RERE: variants seen among roughly 807,000 people sequenced by gnomAD.
The protein encoded by RERE is arginine-glutamic acid dipeptide repeats protein.
In RERE, 40 loss-of-function variants were observed where a neutral mutation model predicts 146.1. The ratio of observed to expected loss-of-function variants is 0.27; its 90% CI spans 0.21 to 0.36. RERE has a LOEUF of 0.36. Ranked by LOEUF, RERE falls within the 10% of genes least tolerant of loss-of-function variation. The pLI is 1.00. For synonymous variants in RERE, 1,003 were observed against 866.0 expected (o/e 1.16, Z -2.78); for missense variants, 1,933 against 2,138.7 (o/e 0.90, Z 1.90).
At chr1:8,765,490 G>T (rs1640829378) in intron 1 of RERE, among the ~76,000 whole-genome samples, 1 of 152,176 alleles carries the variant, frequency 6.6e-6, no homozygotes. Context: ...TAAATTATAT[G>T]ATATGTGAAT....
intron 2 of RERE, among the ~76,000 whole-genome samples, chr1:8,627,239 T>C (rs1231042059): frequency 6.6e-6 from 1 of 152,166 alleles, no homozygotes; most frequent in Non-Finnish European, 1.5e-5. Context: ...GTCTGCACTG[T>C]CCACTAACAA....
At position 8,355,108 on chromosome 1, in the gene RERE, T is replaced by C. The variant is rs1209465093; in HGVS notation, c.4680A>G (p.Lys1560=). 2.5e-6 allele frequency: 4 copies of C among 1,614,000 alleles called. No individual in the cohort carries two copies. The highest frequency in any genetic ancestry group is 4.5e-5 in the East Asian group (2 of 44,894). The change falls in exon 23 of 23, where the codon AAA becomes AAG. Residue 1560 remains lysine, a synonymous_variant. Coordinates refer to ENST00000400908, the MANE Select transcript of RERE (RefSeq NM_001042681.2). ...SQEDYYSRLK[K]EGDKQL ...TAACTTATAACTGCTTGTCACCTTCTTTCTTCAGTCGACTGGAAAGACAAA... is the reference window on the plus strand; with the variant it reads ...TAACTTATAACTGCTTGTCACCTTCCTTCTTCAGTCGACTGGAAAGACAAA...
rs1639960710 is a variant in RERE at position 8,726,147 on chromosome 1, C to CTTTTCTTTTTTTTTTTTTTTTTTTTTTT, written c.-144-69707_-144-69706insAAAAAAAAAAAAAAAAAAAAAAAGAAAA. 2.3e-4 allele frequency among the ~76,000 whole-genome samples: 16 copies of CTTTTCTTTTTTTTTTTTTTTTTTTTTTT among 69,406 alleles called. 1 individual carries two copies. Among genetic ancestry groups the CTTTTCTTTTTTTTTTTTTTTTTTTTTTT allele is most frequent in the African/African-American group, 1.0e-3 (16 of 15,324 alleles). 45.5% of individuals were successfully genotyped at this position (69,406 alleles called of 152,430 possible). A position where few individuals can be genotyped will look rare whatever the true frequency, so the allele number is the denominator to read the frequency against. On this transcript the variant is annotated intron_variant, in intron 1 of 22. Coordinates refer to ENST00000400908, the MANE Select transcript of RERE (RefSeq NM_001042681.2). Reference sequence around the variant, plus strand: ...AATTCCAGTTTTCCTTTTTTCTTTTCTTTTTTTTTTTTTTTTTTTTTTTTT... The same window carrying CTTTTCTTTTTTTTTTTTTTTTTTTTTTT: ...AATTCCAGTTTTCCTTTTTTCTTTTCTTTTCTTTTTTTTTTTTTTTTTTTTTTTTTTTTTTTTTTTTTTTTTTTTTTTT...
intron 16 of RERE, among the ~76,000 whole-genome samples, chr1:8,362,308 C>T (rs943433041): frequency 6.6e-6 from 1 of 152,118 alleles, no homozygotes; most frequent in Non-Finnish European, 1.5e-5. Context: ...AACCATGTGT[C>T]GATGTATATG....
chr1:8,646,085 TACCTAACAACAAA>T (rs1647294401), intron 2 of RERE, among the ~76,000 whole-genome samples: 1 of 5,346 alleles, frequency 1.9e-4, no homozygotes, highest in Non-Finnish European at 3.6e-4. Context: ...AACCTGAGTC[TACCTAACAACAAA>T]GCTCTCAAAT....
intron 1 of RERE, among the ~76,000 whole-genome samples, chr1:8,693,664 T>A (rs1235884055): frequency 6.6e-6 from 1 of 152,126 alleles, no homozygotes; most frequent in Non-Finnish European, 1.5e-5. Context: ...GATATTGTAA[T>A]GGTAGATGCA....
chr1:8,563,343 CAG>C (rs147990773), intron 4 of RERE, among the ~76,000 whole-genome samples: 93 of 149,006 alleles, frequency 6.2e-4, no homozygotes, highest in Non-Finnish European at 6.3e-4. Context: ...AGGACTAGGG[CAG>C]AGAGAGAGAG....
rs1557679341 is a variant in RERE, at chr1:8,541,328, A to AGG, written c.726-11_726-10insCC. 1 of 1,563,106 alleles carries AGG rather than the reference A, an allele frequency of 6.4e-7. No individual in the cohort carries two copies. The highest frequency in any genetic ancestry group is 2.2e-5 in the East Asian group (1 of 44,548). On this transcript the variant is annotated splice_polypyrimidine_tract_variant and intron_variant, in intron 6 of 22. Coordinates refer to ENST00000400908, the MANE Select transcript of RERE (RefSeq NM_001042681.2). ...GATGTTACACTTCCCTCTGGGAAAA[A>AGG]GAGAAAAAAATAATTAGTAATACCC...
intron 11 of RERE, among the ~76,000 whole-genome samples, chr1:8,426,930 G>A (rs1412257459): frequency 1.3e-5 from 2 of 152,186 alleles, no homozygotes; most frequent in African/African-American, 4.8e-5. Context: ...TACCCAAAAA[G>A]TCCATAAACT....
intron 7 of RERE, chr1:8,519,861 A>G (rs1244779311): frequency 6.6e-6 from 1 of 152,178 alleles, no homozygotes; most frequent in East Asian, 1.9e-4. Context: ...ACTGGCTCTT[A>G]CTAGATACAT....
intron 12 of RERE, among the ~76,000 whole-genome samples, chr1:8,372,892 C>CT (rs1642095859): frequency 6.6e-6 from 1 of 152,218 alleles, no homozygotes; most frequent in Non-Finnish European, 1.5e-5. Flanking sequence ...AATGGGCACC[C>CT]TTTCTGGGCC....
chr1:8,761,783 G>A (rs1008946776), intron 1 of RERE, among the ~76,000 whole-genome samples: 5 of 152,070 alleles, frequency 3.3e-5, no homozygotes, highest in East Asian at 3.9e-4. Flanking sequence ...ATAGTCGGGC[G>A]TGGTGGTGCA....
intron 10 of RERE, among the ~76,000 whole-genome samples, chr1:8,489,943 G>A (rs186760119): frequency 1.6e-4 from 25 of 152,092 alleles, no homozygotes; most frequent in African/African-American, 4.8e-4. Flanking sequence ...CCAGCTACTC[G>A]GGAGGCTGAG....
chr1:8,583,541 G>T (rs1023235309), intron 4 of RERE, among the ~76,000 whole-genome samples: 1 of 152,210 alleles, frequency 6.6e-6, no homozygotes, highest in African/African-American at 2.4e-5. Context: ...CAGAGACCTT[G>T]CAGGGCTAAA....
intron 1 of RERE, among the ~76,000 whole-genome samples, chr1:8,699,598 T>C (rs1179837125): frequency 6.6e-6 from 1 of 152,218 alleles, no homozygotes; most frequent in Non-Finnish European, 1.5e-5. Context: ...ACTTGTGATA[T>C]AACCTGTTTG....
At chr1:8,367,204 C>T (rs543646119) in intron 12 of RERE, among the ~76,000 whole-genome samples, 1 of 152,302 alleles carries the variant, frequency 6.6e-6, no homozygotes, top group East Asian at 1.9e-4. Flanking sequence ...CATGTAGCTG[C>T]CACATGACAA....
chr1:8,601,997 G>C (rs547399574), intron 4 of RERE, among the ~76,000 whole-genome samples: 30 of 152,326 alleles, frequency 2.0e-4, no homozygotes, highest in African/African-American at 6.7e-4. Context: ...TGCACCCTTT[G>C]TGTGGCAATC....
At position 8,522,724 on chromosome 1, in the gene RERE, T is replaced by G. The variant is rs554108331; in HGVS notation, c.831-14049A>C. The stretch of plus-strand genomic sequence containing the variant: ...CCGTCTCTACTAAAAAATACAAAAA[T>G]TAGCCAGGCATGGTGGCAGATGCTT... On this transcript the variant is annotated intron_variant, in intron 7 of 22. Transcript: ENST00000400908. Among the ~76,000 whole-genome samples, 4 of 151,766 alleles carry G rather than the reference T, an allele frequency of 2.6e-5. No individual in the cohort carries two copies. In the South Asian group the frequency reaches 8.3e-4, roughly 32 times the overall value.
In RERE at chr1:8,671,546, G is replaced by A. The variant is rs1211571111; in HGVS notation, c.-144-15105C>T. On this transcript the variant is annotated intron_variant, in intron 1 of 22. Transcript: ENST00000400908. Reference sequence around the variant, plus strand: ...CCAGCTGTCCAAATGACTTTTGCCAGGTCCTTCTGGGCTAACGAATTAAGG... The same window carrying A: ...CCAGCTGTCCAAATGACTTTTGCCAAGTCCTTCTGGGCTAACGAATTAAGG... 3.3e-5 allele frequency among the ~76,000 whole-genome samples: 5 copies of A among 152,130 alleles called. 1 individual carries two copies. Among genetic ancestry groups the A allele is most frequent in the Admixed American group, 3.3e-4 (5 of 15,262 alleles).
Sources: allele counts gnomAD v4.1 joint callset (sites outside exome capture counted in the v4.1 genomes callset), GRCh38; gene constraint gnomAD v4.1.1; transcripts MANE v1.5; gene names NCBI Gene and HGNC (gene_info 2026-07-23, HGNC 2026-07-21).